DYNC1I1: variants seen among roughly 807,000 people sequenced by gnomAD.
DYNC1I1 encodes cytoplasmic dynein 1 intermediate chain 1.
A neutral mutation model predicts 86.6 loss-of-function variants in DYNC1I1; 43 were observed. The ratio of observed to expected loss-of-function variants is 0.50; its 90% CI spans 0.39 to 0.64. The LOEUF is 0.64. Among genes scored for constraint, DYNC1I1 ranks in the 30% least tolerant of loss-of-function variants. The probability of loss-of-function intolerance (pLI) is 0.00; values close to 1 mark genes in which losing one functional copy is unlikely to be tolerated. For synonymous variants in DYNC1I1, 262 were observed against 283.7 expected (o/e 0.92, Z 0.77); for missense variants, 604 against 788.8 (o/e 0.77, Z 2.81).
chr7:96,064,430 A>G (rs1789895852), intron 14 of DYNC1I1, among the ~76,000 whole-genome samples: 1 of 152,142 alleles, frequency 6.6e-6, no homozygotes. Context: ...CCAACTCACT[A>G]GTGGCCTACC....
intron 6 of DYNC1I1, among the ~76,000 whole-genome samples, chr7:95,925,971 C>G (rs925455103): frequency 4.6e-5 from 7 of 151,844 alleles, no homozygotes; most frequent in African/African-American, 1.7e-4. Flanking sequence ...TAAAGAAATC[C>G]AAATTTAAAC....
At chr7:96,099,217 A>G (rs554035518), downstream of DYNC1I1, among the ~76,000 whole-genome samples, 40 of 152,324 alleles carry the variant, frequency 2.6e-4, no homozygotes, top group African/African-American at 9.4e-4. Context: ...GAAAAGTACA[A>G]AGGCCTGAGT....
At chr7:96,008,219 ATTAATCCTT>A (rs2115832111) in intron 10 of DYNC1I1, among the ~76,000 whole-genome samples, 1 of 152,296 alleles carries the variant, frequency 6.6e-6, no homozygotes, top group Admixed American at 6.5e-5. Flanking sequence ...CCTGTTCTGA[ATTAATCCTT>A]TGAGGTGGTC....
intron 14 of DYNC1I1, among the ~76,000 whole-genome samples, chr7:96,056,330 T>G (rs1789576411): frequency 6.6e-6 from 1 of 152,188 alleles, no homozygotes; most frequent in South Asian, 2.1e-4. Context: ...CTTTCTTTTC[T>G]TTACAGTATT....
chr7:95,779,654 T>C (rs1398561604), intron 1 of DYNC1I1, among the ~76,000 whole-genome samples: 2 of 152,216 alleles, frequency 1.3e-5, no homozygotes, highest in Non-Finnish European at 2.9e-5. Context: ...TCAGACATCA[T>C]TGTGTCTTCC....
At chr7:96,061,710 TCTCACACA>T (rs1447495653) in intron 14 of DYNC1I1, among the ~76,000 whole-genome samples, 93 of 112,716 alleles carry the variant, frequency 8.3e-4, no homozygotes, top group African/African-American at 3.2e-3. Context: ...TCTCTCTCTC[TCTCACACA>T]CACACACACA....
intron 6 of DYNC1I1, among the ~76,000 whole-genome samples, chr7:95,922,217 G>A (rs1353808540): frequency 6.6e-6 from 1 of 151,826 alleles, no homozygotes; most frequent in Non-Finnish European, 1.5e-5. Context: ...TAATATTAGT[G>A]TGTGTAAAGG....
At chr7:95,781,100 T>C (rs1233924989) in intron 1 of DYNC1I1, among the ~76,000 whole-genome samples, 1 of 151,544 alleles carries the variant, frequency 6.6e-6, no homozygotes, top group African/African-American at 2.4e-5. Context: ...AAGAGGATCC[T>C]CCCTCTTTGA....
At chr7:95,968,864 G>A (rs960582018) in intron 6 of DYNC1I1, among the ~76,000 whole-genome samples, 5 of 149,270 alleles carry the variant, frequency 3.3e-5, no homozygotes, top group Non-Finnish European at 5.9e-5. Context: ...GTGTGTGTGT[G>A]TGTGTGTAGG....
At chr7:95,930,386 G>A (rs1045500908) in intron 6 of DYNC1I1, among the ~76,000 whole-genome samples, 1 of 152,126 alleles carries the variant, frequency 6.6e-6, no homozygotes, top group African/African-American at 2.4e-5. Context: ...TAGCAGTTTG[G>A]TAAGTCATTT....
chr7:95,910,086 G>A (rs1317243194), intron 6 of DYNC1I1, among the ~76,000 whole-genome samples: 12 of 152,068 alleles, frequency 7.9e-5, no homozygotes, highest in Admixed American at 7.2e-4. Context: ...ACCCCTATAG[G>A]GATGCTGTAA....
intron 6 of DYNC1I1, among the ~76,000 whole-genome samples, chr7:95,906,230 C>G (rs1054859518): frequency 6.6e-6 from 1 of 152,166 alleles, no homozygotes; most frequent in Admixed American, 6.6e-5. Flanking sequence ...CCAAAGAGAC[C>G]TGGGTTTGCA....
At chr7:96,062,938 G>T (rs1012432546) in intron 14 of DYNC1I1, among the ~76,000 whole-genome samples, 1 of 151,964 alleles carries the variant, frequency 6.6e-6, no homozygotes, top group Non-Finnish European at 1.5e-5. Flanking sequence ...TGTGTCCCTG[G>T]GGTGGTTTGA....
chr7:95,997,099 G>A (rs777530234), intron 10 of DYNC1I1, among the ~76,000 whole-genome samples: 35 of 152,208 alleles, frequency 2.3e-4, no homozygotes, highest in Non-Finnish European at 4.9e-4. Context: ...TCTAACTCTG[G>A]CCATGTTTTT....
At chr7:95,989,360 C>T (rs1029344192) in intron 9 of DYNC1I1, among the ~76,000 whole-genome samples, 2 of 152,182 alleles carry the variant, frequency 1.3e-5, no homozygotes, top group Admixed American at 6.5e-5. Flanking sequence ...CTTGCAGAGA[C>T]GAAGACAAGC....
At chr7:96,012,058 G>A (rs2115852960) in intron 10 of DYNC1I1, among the ~76,000 whole-genome samples, 1 of 152,286 alleles carries the variant, frequency 6.6e-6, no homozygotes, top group East Asian at 1.9e-4. Flanking sequence ...CTGCGTTGGT[G>A]GGAGGAGGGT....
At chr7:95,790,362 A>T (rs1462557277) in intron 1 of DYNC1I1, among the ~76,000 whole-genome samples, 2 of 151,974 alleles carry the variant, frequency 1.3e-5, no homozygotes, top group African/African-American at 2.4e-5. Flanking sequence ...ATATCTCATT[A>T]CTTGTCCCAC....
intron 6 of DYNC1I1, among the ~76,000 whole-genome samples, chr7:95,882,057 T>C (rs921247417): frequency 6.6e-6 from 1 of 152,184 alleles, no homozygotes; most frequent in East Asian, 1.9e-4. Flanking sequence ...TAAAATTTCC[T>C]TCCTTTCCTA....
chr7:95,984,750 A>G (rs1487871316), intron 7 of DYNC1I1, 65 bp from the exon 8 acceptor site: 30 of 1,492,146 alleles, frequency 2.0e-5, no homozygotes, highest in Admixed American at 7.3e-5. Context: ...GTTCCTCTTG[A>G]TAAGTTTTAA....
Sources: gnomAD v4.1 joint callset for allele counts (sites outside exome capture counted in the v4.1 genomes callset) on GRCh38, gnomAD v4.1.1 for gene constraint, MANE v1.5 for transcripts, NCBI Gene and HGNC (gene_info 2026-07-23, HGNC 2026-07-21) for gene names.